Variants in AXL observed in about 807,000 individuals in gnomAD.
AXL encodes tyrosine-protein kinase receptor UFO.
In AXL, 52 loss-of-function variants were observed where a neutral mutation model predicts 104.5. That is an observed-to-expected ratio of 0.50 (90% CI 0.40 to 0.63). The LOEUF is 0.63. Ranked by LOEUF, AXL falls within the 20% of genes least tolerant of loss-of-function variation. The probability of loss-of-function intolerance (pLI) is 0.00; values close to 1 mark genes in which losing one functional copy is unlikely to be tolerated. For synonymous variants in AXL, 455 were observed against 473.7 expected (o/e 0.96, Z 0.51); for missense variants, 1,024 against 1,188.5 (o/e 0.86, Z 2.04).
chr19:41,231,269 A>G lies in AXL; in HGVS notation c.754A>G (p.Ile252Val), dbSNP rs756064558. 1.1e-5 allele frequency: 17 copies of G among 1,613,634 alleles called. No homozygotes were observed. In the East Asian group the frequency reaches 3.3e-4, roughly 32 times the overall value. The change falls in exon 6 of 20, where the codon ATC (isoleucine) becomes GTC (valine). Residue 252 changes from isoleucine to valine, a missense_variant. Coordinates refer to ENST00000301178, the MANE Select transcript of AXL (RefSeq NM_021913.5). ...GGCTTGGACTCCAGGCCTGAGCGGC[A>G]TCTACCCCCTGACCCACTGCACCCT... ...EVAWTPGLSG[I>V]YPLTHCTLQA...
chr19:41,242,799 C>T (rs1599736128), intron 10 of AXL, 84 bp from the exon 11 acceptor site: 2 of 1,563,232 alleles, frequency 1.3e-6, no homozygotes, highest in East Asian at 4.5e-5. Context: ...AGGCCTTCTG[C>T]CTCCCTCCCA....
rs1749611089 is a variant in AXL at position 41,252,859 on chromosome 19, G to T, written c.1818G>T (p.Gln606His). Residue 606 changes from glutamine (Q) to histidine (H), a missense_variant, in exon 16 of 20, where the codon CAG (glutamine) becomes CAT (histidine). By Grantham distance (24) the Gln-to-His change is conservative. This residue lies in a region of AXL where 523 missense variants were observed against 636.0 expected (regional missense o/e 0.82). Transcript: ENST00000301178. ...TGGGGGGCTCAGGTGTCTGTTTCCA[G>T]GGTTCTGAACGAGAGAGCTTCCCAG... is the stretch of plus-strand genomic sequence containing the variant. ...NVMRLIGVCF[Q>H]GSERESFPAP... The T allele has an allele frequency of 1.2e-6, 2 of 1,613,948 alleles. No homozygotes were observed. The highest frequency in any genetic ancestry group is 2.7e-5 in the African/African-American group (2 of 74,940).
intron 14 of AXL, among the ~76,000 whole-genome samples, chr19:41,249,447 T>A (rs2034325114): frequency 1.3e-5 from 2 of 151,134 alleles, no homozygotes; most frequent in African/African-American, 4.9e-5. Flanking sequence ...AGAGTGAGAC[T>A]TTGTCTTAAA....
intron 12 of AXL, among the ~76,000 whole-genome samples, chr19:41,244,220 A>C (rs943366637): frequency 6.6e-6 from 1 of 152,122 alleles, no homozygotes; most frequent in Non-Finnish European, 1.5e-5. Context: ...AGAAAAAAAA[A>C]TAAAAGAAAG....
At chr19:41,232,438 A>G (rs557858911) in intron 6 of AXL, among the ~76,000 whole-genome samples, 52 of 152,202 alleles carry the variant, frequency 3.4e-4, no homozygotes, top group African/African-American at 1.1e-3. Flanking sequence ...CCTGGCTAAC[A>G]TGGTGAAACC....
chr19:41,239,331 G>A lies in AXL; in HGVS notation c.1285+17G>A. 6.4e-7 allele frequency: 1 copy of A among 1,550,552 alleles called. No individual in the cohort carries two copies. Among genetic ancestry groups the A allele is most frequent in the Non-Finnish European group, 8.7e-7 (1 of 1,151,722 alleles). Reference sequence around the variant, plus strand: ...GGCGCCCAGGTAAGTCCAAAGCCATGCCCAACCTGCTTCAACCCTGTCTCT... The same window carrying A: ...GGCGCCCAGGTAAGTCCAAAGCCATACCCAACCTGCTTCAACCCTGTCTCT... On this transcript the variant is annotated intron_variant, in intron 9 of 19. Transcript: ENST00000301178.
At chr19:41,252,803 C>T (rs2034386994) in intron 15 of AXL, 43 bp from the exon 16 acceptor site, 5 of 1,610,524 alleles carry the variant, frequency 3.1e-6, no homozygotes, top group Non-Finnish European at 4.2e-6. Flanking sequence ...CTTGGCTTCC[C>T]CTTCTGCCCA....
intron 12 of AXL, 160 bp downstream of exon 12, chr19:41,243,867 C>A (rs111292111): frequency 2.6e-5 from 16 of 607,070 alleles, no homozygotes; most frequent in African/African-American, 1.5e-4. Context: ...ATTTGTGGAA[C>A]CACAAAGAAC....
At position 41,259,878 on chromosome 19, in the gene AXL, G is replaced by T. The variant is rs1278421528; in HGVS notation, c.2659G>T (p.Ala887Ser). The change falls in exon 20 of 20, where the codon GCC becomes TCC. Residue 887 changes from alanine to serine, a missense_variant. This residue lies in a region of AXL where 523 missense variants were observed against 636.0 expected (regional missense o/e 0.82). Transcript: ENST00000301178. Reference protein sequence around the residue: ...AQPADRGSPAAPGQEDGA With the variant: ...AQPADRGSPASPGQEDGA ...GCCTGCTGATAGGGGCTCCCCAGCAGCCCCAGGGCAGGAGGATGGTGCCTG... is the reference window on the plus strand; with the variant it reads ...GCCTGCTGATAGGGGCTCCCCAGCATCCCCAGGGCAGGAGGATGGTGCCTG... The T allele has an allele frequency of 6.3e-7, 1 of 1,593,144 alleles. No individual in the cohort carries two copies. Among genetic ancestry groups the T allele is most frequent in the East Asian group, 2.2e-5 (1 of 44,578 alleles).
chr19:41,241,476 G>A (rs1485212356), intron 10 of AXL, among the ~76,000 whole-genome samples: 2 of 149,480 alleles, frequency 1.3e-5, no homozygotes, highest in East Asian at 2.0e-4. Context: ...CCTGGGAGGC[G>A]GAGGTTACAG....
rs956149654 is a variant in AXL at position 41,261,456 on chromosome 19, A to G, written c.*1552A>G. On this transcript the variant is annotated 3_prime_UTR_variant, in exon 20 of 20. Transcript: ENST00000301178. The stretch of plus-strand genomic sequence containing the variant: ...AAGACTCAAATGTTCTAAGTTTCTA[A>G]GATTCTAAAGGTCCACAGGTCTAGA... 1 of 152,444 alleles carries G rather than the reference A, an allele frequency of 6.6e-6. No homozygotes were observed. The highest frequency in any genetic ancestry group is 1.5e-5 in the Non-Finnish European group (1 of 68,030). The allele number at this position is 152,444 out of a possible 1,614,324, so 9.4% of individuals were successfully genotyped here. A position where few individuals can be genotyped will look rare whatever the true frequency, so the allele number is the denominator to read the frequency against.
At chr19:41,236,903 A>G (rs1340180802) in intron 6 of AXL, among the ~76,000 whole-genome samples, 4 of 152,152 alleles carry the variant, frequency 2.6e-5, no homozygotes, top group East Asian at 1.9e-4. Flanking sequence ...GCGGCCCAAC[A>G]TAAGTTCGTA....
rs1266652402 is a variant in AXL, at chr19:41,260,041, C to T, written c.*137C>T. 4 of 736,906 alleles carry T rather than the reference C, an allele frequency of 5.4e-6. No individual in the cohort carries two copies. Among genetic ancestry groups the T allele is most frequent in the East Asian group, 2.8e-5 (1 of 36,128 alleles). The allele number at this position is 736,906 out of a possible 1,614,324, so 45.6% of individuals were successfully genotyped here. ...GTCTTCCTACCTATCCCACCTCCAT[C>T]CCAGACAGGTCCCTCCCCTTCTCTG... is the stretch of plus-strand genomic sequence containing the variant. On this transcript the variant is annotated 3_prime_UTR_variant, in exon 20 of 20. Transcript: ENST00000301178.
intron 14 of AXL, 45 bp from the exon 15 acceptor site, chr19:41,252,306 T>G (rs1351191510): frequency 6.7e-7 from 1 of 1,489,552 alleles, no homozygotes; most frequent in South Asian, 1.1e-5. Flanking sequence ...GGGAGAGTCC[T>G]CCCTCTCCTC....
chr19:41,259,507 T>G (rs780727029), intron 19 of AXL, 46 bp from the exon 20 acceptor site: 2 of 1,523,910 alleles, frequency 1.3e-6, no homozygotes, highest in Non-Finnish European at 1.8e-6. Flanking sequence ...AATGCACCCC[T>G]TCTGAGTCCC....
chr19:41,242,727 C>A (rs536941409), intron 10 of AXL, among the ~76,000 whole-genome samples, 156 bp from the exon 11 acceptor site: 1 of 152,182 alleles, frequency 6.6e-6, no homozygotes, highest in Non-Finnish European at 1.5e-5. Flanking sequence ...TCCAGCCCAG[C>A]CCATTCAGAT....
chr19:41,220,403 TCC>T (rs2033767596), intron 1 of AXL: 4 of 507,726 alleles, frequency 7.9e-6, no homozygotes, highest in Non-Finnish European at 1.4e-5. Flanking sequence ...GGCTGCCAGA[TCC>T]CGAGCCTCCT....
intron 6 of AXL, 88 bp downstream of exon 6, chr19:41,231,386 C>T: frequency 8.1e-7 from 1 of 1,231,512 alleles, no homozygotes; most frequent in Non-Finnish European, 1.1e-6. Flanking sequence ...GAACCCACCA[C>T]TTCTCGGCCA....
rs60699500 is a variant in AXL at position 41,258,068 on chromosome 19, C to A, written c.2333+439C>A. The stretch of plus-strand genomic sequence containing the variant: ...TTATTGGCCTTCTCCAGACTCAGGT[C>A]TCCTCTGAGATATTTGCAGGATCCT... On this transcript the variant is annotated intron_variant, in intron 19 of 19. Coordinates refer to ENST00000301178, the MANE Select transcript of AXL (RefSeq NM_021913.5). 5.5e-3 allele frequency among the ~76,000 whole-genome samples: 840 copies of A among 152,366 alleles called. 13 individuals carry two copies. Among genetic ancestry groups the A allele is most frequent in the African/African-American group, 0.019 (810 of 41,592 alleles).
Sources: allele counts gnomAD v4.1 joint callset (sites outside exome capture counted in the v4.1 genomes callset), GRCh38; gene constraint gnomAD v4.1.1; regional missense constraint gnomAD v4.1.1; transcripts MANE v1.5; gene names NCBI Gene and HGNC (gene_info 2026-07-23, HGNC 2026-07-21).